BAD: variants seen among roughly 807,000 people sequenced by gnomAD.
BAD encodes the protein bcl2-associated agonist of cell death.
BAD carries 18 observed loss-of-function variants against 17.8 expected under a neutral mutation model. That is an observed-to-expected ratio of 1.01 (90% CI 0.70 to 1.50). The LOEUF is 1.50. Among genes scored for constraint, BAD ranks in the 40% most tolerant of loss-of-function variants. BAD has a pLI of 0.00. For synonymous variants in BAD, 112 were observed against 91.5 expected, an observed-to-expected ratio of 1.22 and a Z score of -1.28; for missense variants, 294 against 239.3, an observed-to-expected ratio of 1.23 and a Z score of -1.51.
rs564495074 is a variant in BAD, at chr11:64,281,783, C to T, written c.187+2399G>A. On this transcript the variant is annotated intron_variant, in intron 2 of 3. Coordinates refer to ENST00000309032, the MANE Select transcript of BAD (RefSeq NM_032989.3). The stretch of plus-strand genomic sequence containing the variant: ...GTCGCCAGGCTGGAGTGCAGTGGCA[C>T]GATCTTGGCTCACTGCAACCTCCGC... 6.2e-4 allele frequency among the ~76,000 whole-genome samples: 95 copies of T among 152,306 alleles called. 1 individual carries two copies. Among genetic ancestry groups the T allele is most frequent in the Admixed American group, 1.8e-3 (27 of 15,304 alleles).
chr11:64,280,358 A>ATAT (rs1555069795), intron 2 of BAD, among the ~76,000 whole-genome samples: 2 of 132,328 alleles, frequency 1.5e-5, no homozygotes, highest in East Asian at 2.2e-4. Flanking sequence ...AATAATAATA[A>ATAT]TTTTTTTTTT....
In BAD at chr11:64,284,184, C is replaced by G. The variant is rs1211007807; in HGVS notation, c.185G>C (p.Gly62Ala). The change falls in exon 2 of 4, where the codon GGA (glycine) becomes GCA (alanine). Residue 62 changes from glycine (G) to alanine (A), a missense_variant and splice_region_variant. By Grantham distance (60) the Gly-to-Ala change is moderately conservative. Coordinates refer to ENST00000309032, the MANE Select transcript of BAD (RefSeq NM_032989.3). The part of the protein sequence containing the change: ...QEQPTSSSHH[G>A]GAGAVEIRSR... The stretch of plus-strand genomic sequence containing the variant: ...GGTGGAGGTGGTGGGGTACTTACCT[C>G]CATGATGGCTGCTGCTGGTTGGCTG... The G allele has an allele frequency of 1.3e-6, 2 of 1,593,288 alleles. No homozygotes were observed. The highest frequency in any genetic ancestry group is 1.7e-6 in the Non-Finnish European group (2 of 1,169,700).
chr11:64,276,979 G>C, intron 2 of BAD: 1 of 734,362 alleles, frequency 1.4e-6, no homozygotes, highest in Non-Finnish European at 2.5e-6. Context: ...ATGCTTCCGC[G>C]AGCATCCCTG....
At chr11:64,279,581 A>G (rs1172375294) in intron 2 of BAD, among the ~76,000 whole-genome samples, 1 of 151,780 alleles carries the variant, frequency 6.6e-6, no homozygotes, top group Non-Finnish European at 1.5e-5. Context: ...CCTGGCCAAC[A>G]TGGTGAAACC....
intron 2 of BAD, among the ~76,000 whole-genome samples, chr11:64,283,463 C>T (rs2033619028): frequency 6.6e-6 from 1 of 152,236 alleles, no homozygotes; most frequent in Non-Finnish European, 1.5e-5. Flanking sequence ...AGTGTCCATC[C>T]TTCCATCTTG....
In BAD at chr11:64,269,985, G is replaced by A. The variant is rs1300637063; in HGVS notation, c.*224C>T. 3 of 833,716 alleles carry A rather than the reference G, an allele frequency of 3.6e-6. No individual in the cohort carries two copies. The highest frequency in any genetic ancestry group is 5.8e-6 in the Non-Finnish European group (3 of 516,194). The allele number at this position is 833,716 out of a possible 1,614,324, so 51.6% of individuals were successfully genotyped here. A position where few individuals can be genotyped will look rare whatever the true frequency, so the allele number is the denominator to read the frequency against. ...CCCGGAGCCTGAGGGCGGGGCCACG[G>A]AGCCACTTCCGGCGGCTGTGGGCGG... On this transcript the variant is annotated 3_prime_UTR_variant, in exon 4 of 4. Transcript: ENST00000309032.
rs565814097 is a variant in BAD at position 64,270,099 on chromosome 11, C to A, written c.*110G>T. 3 of 1,541,136 alleles carry A rather than the reference C, an allele frequency of 1.9e-6. No individual in the cohort carries two copies. Among genetic ancestry groups the A allele is most frequent in the Non-Finnish European group, 2.7e-6 (3 of 1,129,380 alleles). ...GGGTCAGCCCTCCCTCCAAAGGAGA[C>A]AGCACGGATCCTCTTTTTGCATAGG... On this transcript the variant is annotated 3_prime_UTR_variant, in exon 4 of 4. Transcript: ENST00000309032.
At chr11:64,283,524 G>A (rs764849891) in intron 2 of BAD, among the ~76,000 whole-genome samples, 2 of 152,226 alleles carry the variant, frequency 1.3e-5, no homozygotes, top group Non-Finnish European at 2.9e-5. Context: ...AGGACTGTCT[G>A]CCCCTTGAGG....
At position 64,284,391 on chromosome 11, in the gene BAD, T is replaced by G. The variant is rs371764981; in HGVS notation, c.-8-15A>C. ...CATGCTCTGGGCTGTGAGGACAAGATGTTACGTAGTCAAGGCACAGCTGGG... is the reference window on the plus strand; with the variant it reads ...CATGCTCTGGGCTGTGAGGACAAGAGGTTACGTAGTCAAGGCACAGCTGGG... On this transcript the variant is annotated splice_polypyrimidine_tract_variant and intron_variant, in intron 1 of 3. Transcript: ENST00000309032. The G allele has an allele frequency of 6.2e-7, 1 of 1,611,868 alleles. No homozygotes were observed. Among genetic ancestry groups the G allele is most frequent in the Non-Finnish European group, 8.5e-7 (1 of 1,179,928 alleles).
intron 1 of BAD, 72 bp downstream of exon 1, chr11:64,284,559 C>T (rs1288929858): frequency 1.3e-6 from 2 of 1,494,974 alleles, no homozygotes; most frequent in East Asian, 2.5e-5. Context: ...CGGCTCAGGA[C>T]CTCAGTCTCC....
chr11:64,284,518 C>T (rs1436451110), intron 1 of BAD, 113 bp downstream of exon 1: 1 of 1,543,064 alleles, frequency 6.5e-7, no homozygotes, highest in Non-Finnish European at 8.7e-7. Flanking sequence ...ATCTGTCTGC[C>T]GGGTCTGGCC....
chr11:64,284,516 G>T lies in BAD; in HGVS notation c.-9+115C>A. ...AGGCCTCCTGGGCCCTCATCTGTCT[G>T]CCGGGTCTGGCCTGGCAGGGAGCTG... is the stretch of plus-strand genomic sequence containing the variant. On this transcript the variant is annotated intron_variant, in intron 1 of 3. Transcript: ENST00000309032. The T allele has an allele frequency of 2.6e-6, 4 of 1,543,266 alleles. No individual in the cohort carries two copies. In the South Asian group the frequency reaches 4.7e-5, roughly 18 times the overall value.
chr11:64,284,279 C>T lies in BAD; in HGVS notation c.90G>A (p.Gly30=). 1 of 1,611,732 alleles carries T rather than the reference C, an allele frequency of 6.2e-7. No individual in the cohort carries two copies. The highest frequency in any genetic ancestry group is 8.5e-7 in the Non-Finnish European group (1 of 1,179,954). The change falls in exon 2 of 4, where the codon GGG becomes GGA. Residue 30 remains glycine (G), a synonymous_variant. Coordinates refer to ENST00000309032, the MANE Select transcript of BAD (RefSeq NM_032989.3). ...GATGATGCTTGCCGGAGCCTGAGGG[C>T]CCGTCCCCTGCGGGGCTGGGGCCCA... ...RGLGPSPAGD[G]PSGSGKHHRQ... is the part of the protein sequence containing the mutation.
At chr11:64,277,659 G>A (rs1423491831) in intron 2 of BAD, among the ~76,000 whole-genome samples, 1 of 152,068 alleles carries the variant, frequency 6.6e-6, no homozygotes, top group African/African-American at 2.4e-5. Flanking sequence ...GGCTGGTCTC[G>A]AACTCCTGAG....
Position 64,270,082 on chromosome 11 carries a change from C to A in BAD, c.*127G>T. ...GCACCGGAAGGGAATCTGGGTCAGC[C>A]CTCCCTCCAAAGGAGACAGCACGGA... On this transcript the variant is annotated 3_prime_UTR_variant, in exon 4 of 4. Coordinates refer to ENST00000309032, the MANE Select transcript of BAD (RefSeq NM_032989.3). 1 of 1,474,882 alleles carries A rather than the reference C, an allele frequency of 6.8e-7. No homozygotes were observed. The highest frequency in any genetic ancestry group is 9.3e-7 in the Non-Finnish European group (1 of 1,079,022). The allele number at this position is 1,474,882 out of a possible 1,614,324, so 91.4% of individuals were successfully genotyped here. A position where few individuals can be genotyped will look rare whatever the true frequency, so the allele number is the denominator to read the frequency against.
chr11:64,282,161 C>T (rs896744451), intron 2 of BAD, among the ~76,000 whole-genome samples: 2 of 152,180 alleles, frequency 1.3e-5, no homozygotes, highest in Non-Finnish European at 2.9e-5. Context: ...TTGGGTTCAC[C>T]GAGGCCCCCT....
chr11:64,283,677 C>T (rs1368913939), intron 2 of BAD, among the ~76,000 whole-genome samples: 1 of 152,216 alleles, frequency 6.6e-6, no homozygotes, highest in African/African-American at 2.4e-5. Context: ...GGCTTCCAGC[C>T]CCCACATTCT....
At chr11:64,281,103 G>T (rs961599407) in intron 2 of BAD, among the ~76,000 whole-genome samples, 2 of 152,182 alleles carry the variant, frequency 1.3e-5, no homozygotes, top group Non-Finnish European at 2.9e-5. Flanking sequence ...GAGTAGCTGG[G>T]ACTACAGGCG....
intron 2 of BAD, among the ~76,000 whole-genome samples, chr11:64,275,487 C>A (rs577831374): frequency 6.6e-6 from 1 of 152,118 alleles, no homozygotes; most frequent in Admixed American, 6.5e-5. Flanking sequence ...CTGCCAGGAT[C>A]GCCATGACAA....
Sources: allele counts gnomAD v4.1 joint callset (sites outside exome capture counted in the v4.1 genomes callset), GRCh38; gene constraint gnomAD v4.1.1; transcripts MANE v1.5; gene names NCBI Gene and HGNC (gene_info 2026-07-23, HGNC 2026-07-21).